The following NOTCH2 variants were observed in gnomAD, a reference collection of about 807,000 sequenced individuals.
NOTCH2 encodes the protein notch receptor 2, also known as neurogenic locus notch homolog protein 2.
In NOTCH2, 29 loss-of-function variants were observed where a neutral mutation model predicts 235.8. The ratio of observed to expected loss-of-function variants is 0.12; its 90% CI spans 0.09 to 0.17. The LOEUF is 0.17. Among genes scored for constraint, NOTCH2 ranks in the 10% least tolerant of loss-of-function variants. NOTCH2 has a pLI of 1.00. For missense variants in NOTCH2, 2,285 were observed against 3,150.2 expected (o/e 0.73, Z 6.57); for synonymous variants, 1,086 against 1,141.5 (o/e 0.95, Z 0.98).
chr1:120,067,711 C>T (rs1477372124), intron 1 of NOTCH2, among the ~76,000 whole-genome samples: 3 of 152,146 alleles, frequency 2.0e-5, no homozygotes, highest in Admixed American at 2.0e-4. Flanking sequence ...AGCTTTCACT[C>T]AAAGAAAAAG....
chr1:119,980,600 T>C (rs1366371234), intron 5 of NOTCH2, among the ~76,000 whole-genome samples: 1 of 152,176 alleles, frequency 6.6e-6, no homozygotes, highest in Non-Finnish European at 1.5e-5. Context: ...TTTCAGAAAA[T>C]TTCTAATGAC....
chr1:119,984,097 C>T (rs1553201957), intron 5 of NOTCH2, among the ~76,000 whole-genome samples: 2 of 152,138 alleles, frequency 1.3e-5, no homozygotes, highest in African/African-American at 4.8e-5. Context: ...AGTGAAAAAG[C>T]ATCAGACTGA....
In NOTCH2 at chr1:119,936,458, AG is replaced by A. The variant is rs782494309; in HGVS notation, c.3522+823del. Reference sequence around the variant, plus strand: ...GGCTGCAGTTTTACAGGCTATGCAAAGCAGGCAAGCTCTAAATAGCTAAAAA... The same window carrying A: ...GGCTGCAGTTTTACAGGCTATGCAAACAGGCAAGCTCTAAATAGCTAAAAA... On this transcript the variant is annotated intron_variant, in intron 21 of 33. Transcript: ENST00000256646. Among the ~76,000 whole-genome samples the A allele has an allele frequency of 2.6e-4, 39 of 152,320 alleles. 1 individual carries two copies. The highest frequency in any genetic ancestry group is 2.9e-5 in the Non-Finnish European group (2 of 68,028).
intron 4 of NOTCH2, among the ~76,000 whole-genome samples, chr1:119,989,213 G>A (rs2101189994): frequency 6.6e-6 from 1 of 152,236 alleles, no homozygotes; most frequent in East Asian, 1.9e-4. Flanking sequence ...ACCTTAAATG[G>A]TTATTGTAAA....
chr1:120,001,436 C>A (rs1337935110), intron 3 of NOTCH2, among the ~76,000 whole-genome samples: 13 of 152,296 alleles, frequency 8.5e-5, no homozygotes, highest in African/African-American at 2.4e-4. Flanking sequence ...AGTTCACCAC[C>A]TTTCAGGTCC....
At chr1:120,010,255 T>C (rs1322082786) in intron 2 of NOTCH2, among the ~76,000 whole-genome samples, 1 of 152,158 alleles carries the variant, frequency 6.6e-6, no homozygotes, top group East Asian at 1.9e-4. Flanking sequence ...AGACATCATC[T>C]TGTTGCTGGC....
chr1:120,000,891 T>G (rs1652723396), intron 3 of NOTCH2, among the ~76,000 whole-genome samples: 3 of 151,958 alleles, frequency 2.0e-5, no homozygotes, highest in Non-Finnish European at 4.4e-5. Context: ...ATGAATGATA[T>G]GGTTTGGTAG....
intron 3 of NOTCH2, among the ~76,000 whole-genome samples, chr1:120,001,316 TG>T (rs1259940635): frequency 6.6e-6 from 1 of 151,692 alleles, no homozygotes; most frequent in African/African-American, 2.4e-5. Context: ...AGCTACTAGA[TG>T]GTTCAATTAG....
rs1553204303 is a variant in NOTCH2 at position 119,997,107 on chromosome 1, G to A, written c.641C>T (p.Thr214Ile). 2 of 1,614,026 alleles carry A rather than the reference G, an allele frequency of 1.2e-6. No homozygotes were observed. Among genetic ancestry groups the A allele is most frequent in the South Asian group, 1.1e-5 (1 of 91,082 alleles). ...ATACAGGCTGTCACAGTACTGGCCT[G>A]TGAAGCCCTGAGGGCACTGGCACTG... The part of the protein sequence containing the change: ...SYQCQCPQGF[T>I]GQYCDSLYVP... Residue 214 changes from threonine to isoleucine, a missense_variant, in exon 4 of 34, where the codon ACA becomes ATA. This residue lies in a region of NOTCH2 where 431 missense variants were observed against 757.8 expected (regional missense o/e 0.57). Coordinates refer to ENST00000256646, the MANE Select transcript of NOTCH2 (RefSeq NM_024408.4).
At chr1:119,956,081 G>A (rs782561269) in intron 12 of NOTCH2, among the ~76,000 whole-genome samples, 3 of 152,280 alleles carry the variant, frequency 2.0e-5, no homozygotes, top group African/African-American at 7.2e-5. Flanking sequence ...GGGAGTAAGT[G>A]AAATTGAAGT....
chr1:119,957,593 G>C lies in NOTCH2; in HGVS notation c.2026+1799C>G, dbSNP rs188217737. 2.3e-3 allele frequency among the ~76,000 whole-genome samples: 352 copies of C among 152,044 alleles called. No individual in the cohort carries two copies. The Middle Eastern group carries it at 0.024, about 10-fold the overall frequency. ...GTCATCTCTAATGTTTTTAGCAGCT[G>C]ATTAAAAAAATCATCTCAGACATAG... On this transcript the variant is annotated intron_variant, in intron 12 of 33. Transcript: ENST00000256646.
At position 119,929,223 on chromosome 1, in the gene NOTCH2, G is replaced by A; in HGVS notation, c.3656-11C>T. 2 of 1,603,472 alleles carry A rather than the reference G, an allele frequency of 1.2e-6. No homozygotes were observed. Among genetic ancestry groups the A allele is most frequent in the Non-Finnish European group, 1.7e-6 (2 of 1,170,214 alleles). The stretch of plus-strand genomic sequence containing the variant: ...CTTCACAGAGTAGGCCTGGAGGAAA[G>A]AGAAGAGGTACAGAATTATGAAAAT... On this transcript the variant is annotated splice_polypyrimidine_tract_variant and intron_variant, in intron 22 of 33. Coordinates refer to ENST00000256646, the MANE Select transcript of NOTCH2 (RefSeq NM_024408.4).
chr1:119,959,616 G>A, intron 11 of NOTCH2, 114 bp from the exon 12 acceptor site: 2 of 720,536 alleles, frequency 2.8e-6, no homozygotes, highest in Admixed American at 3.9e-5. Context: ...AGCCAACCCT[G>A]GACAGAATAA....
chr1:120,005,732 T>C, intron 2 of NOTCH2, 144 bp from the exon 3 acceptor site: 2 of 562,430 alleles, frequency 3.6e-6, no homozygotes, highest in South Asian at 4.2e-5. Context: ...ACTGCTTCCC[T>C]TTAGAAGAAA....
Position 119,923,678 on chromosome 1 carries a change from T to A in NOTCH2, c.4818A>T (p.Thr1606=). The A allele has an allele frequency of 6.2e-7, 1 of 1,614,206 alleles. No homozygotes were observed. Among genetic ancestry groups the A allele is most frequent in the Non-Finnish European group, 8.5e-7 (1 of 1,180,026 alleles). The change falls in exon 26 of 34, where the codon ACA becomes ACT. Residue 1606 remains threonine (T), a synonymous_variant. Transcript: ENST00000256646. ...KSAAMKKQRM[T]RRSLPGEQEQ... ...CTTGTTCACCAGGAAGGGATCTGCGTGTCATCCTCTGTTTCTTCATAGCAG... is the reference window on the plus strand; with the variant it reads ...CTTGTTCACCAGGAAGGGATCTGCGAGTCATCCTCTGTTTCTTCATAGCAG...
Position 119,925,253 on chromosome 1 carries a change from G to A in NOTCH2, c.4511+52C>T, listed in dbSNP as rs41302079. 71,414 of 1,609,836 alleles carry A rather than the reference G, an allele frequency of 0.044. 1,760 individuals are homozygous for A. The highest frequency in any genetic ancestry group is 0.091 in the Middle Eastern group (417 of 4,590). ...TGGTTAGGAGCAAGAACGAGAAACT[G>A]AAGTGTGTTAGTGACAGTCCCCTTC... On this transcript the variant is annotated intron_variant, in intron 25 of 33. Transcript: ENST00000256646.
In NOTCH2 at chr1:119,911,639, A is replaced by C; in HGVS notation, c.*3667T>G. On this transcript the variant is annotated 3_prime_UTR_variant, in exon 34 of 34. Transcript: ENST00000256646. ...TTTATACACAAAATATTATTTTATA[A>C]TCCTGTATATTAAGTTCTACACAAA... 4.3e-6 allele frequency: 1 copy of C among 232,710 alleles called. No individual in the cohort carries two copies. The highest frequency in any genetic ancestry group is 8.5e-6 in the Non-Finnish European group (1 of 117,756). 14.4% of individuals were successfully genotyped at this position (232,710 alleles called of 1,614,324 possible).
chr1:119,950,311 T>C, intron 15 of NOTCH2: 1 of 361,508 alleles, frequency 2.8e-6, no homozygotes, highest in East Asian at 7.2e-5. Context: ...TGTAGAATTA[T>C]TGAGGAATAC....
chr1:119,921,882 C>T, intron 28 of NOTCH2, 73 bp from the exon 29 acceptor site: 2 of 1,217,842 alleles, frequency 1.6e-6, no homozygotes, highest in Non-Finnish European at 2.4e-6. Flanking sequence ...ACACTTTCCA[C>T]CATGACACAC....
Sources: gnomAD v4.1 joint callset for allele counts (sites outside exome capture counted in the v4.1 genomes callset) on GRCh38, gnomAD v4.1.1 for gene constraint, gnomAD v4.1.1 regional missense constraint, MANE v1.5 for transcripts, NCBI Gene and HGNC (gene_info 2026-07-23, HGNC 2026-07-21) for gene names.